Variants in TDRD9 observed in about 807,000 individuals in gnomAD.
The protein encoded by TDRD9 is tudor domain containing 9, also known as ATP-dependent RNA helicase TDRD9.
A neutral mutation model predicts 172.6 loss-of-function variants in TDRD9; 124 were observed. The ratio of observed to expected loss-of-function variants is 0.72; its 90% CI spans 0.62 to 0.83. The LOEUF (loss-of-function observed/expected upper bound fraction) is 0.83. TDRD9 is among the 40% of genes least tolerant of loss of function. TDRD9 has a pLI of 0.00. For synonymous variants in TDRD9, 619 were observed against 617.1 expected (o/e 1.00, Z -0.05); for missense variants, 1,479 against 1,714.1 (o/e 0.86, Z 2.42).
intron 30 of TDRD9, 108 bp from the exon 31 acceptor site, chr14:104,033,852 T>A: frequency 1.5e-6 from 1 of 682,922 alleles, no homozygotes; most frequent in Non-Finnish European, 2.7e-6. Flanking sequence ...CCGTCTATCA[T>A]TGCAGTTGCC....
At chr14:103,938,404 GTGTGTGTGTGTATA>G (rs1472634337) in intron 1 of TDRD9, among the ~76,000 whole-genome samples, 27 of 61,122 alleles carry the variant, frequency 4.4e-4, no homozygotes, top group East Asian at 1.9e-3. Context: ...GTGTGTGTGT[GTGTGTGTGTGTATA>G]TATATATATA....
chr14:104,016,161 ATTCTT>A, intron 22 of TDRD9, 73 bp downstream of exon 22: 1 of 1,074,712 alleles, frequency 9.3e-7, no homozygotes, highest in South Asian at 1.4e-5. Context: ...AATTGTTTCT[ATTCTT>A]GTGAGTCCTA....
chr14:103,970,175 G>A (rs866662830), intron 5 of TDRD9, among the ~76,000 whole-genome samples: 22 of 152,290 alleles, frequency 1.4e-4, no homozygotes, highest in Middle Eastern at 3.4e-3. Context: ...GCAAGGAGGG[G>A]CCATGGGAGG....
chr14:104,015,287 T>C (rs919139259), intron 21 of TDRD9, among the ~76,000 whole-genome samples: 4 of 152,210 alleles, frequency 2.6e-5, no homozygotes, highest in African/African-American at 9.7e-5. Flanking sequence ...TTAGCTGGAA[T>C]GTAGCGAGTG....
rs150275586 is a variant in TDRD9, at chr14:103,989,810, C to T, written c.1116-1350C>T. ...ATCCCTGCTACCTGTCCACTCTGTG[C>T]GTTTTCCAACCCTGGAGGGACTGGA... On this transcript the variant is annotated intron_variant, in intron 8 of 35. Transcript: ENST00000409874. Among the ~76,000 whole-genome samples the T allele has an allele frequency of 6.5e-3, 990 of 152,334 alleles. 14 individuals carry two copies. The highest frequency in any genetic ancestry group is 6.8e-3 in the Middle Eastern group (2 of 294).
chr14:103,991,444 T>C (rs1255476939), intron 9 of TDRD9, among the ~76,000 whole-genome samples: 1 of 152,114 alleles, frequency 6.6e-6, no homozygotes, highest in Non-Finnish European at 1.5e-5. Context: ...GATGGAGTCT[T>C]GCTCTGTTGC....
intron 8 of TDRD9, among the ~76,000 whole-genome samples, chr14:103,989,652 C>T (rs2033797938): frequency 6.6e-6 from 1 of 152,226 alleles, no homozygotes; most frequent in Non-Finnish European, 1.5e-5. Flanking sequence ...GGGCTGGTCC[C>T]CCAGGGAATG....
At chr14:103,943,363 T>C (rs2031359994) in intron 1 of TDRD9, among the ~76,000 whole-genome samples, 1 of 151,516 alleles carries the variant, frequency 6.6e-6, no homozygotes, top group Admixed American at 6.6e-5. Flanking sequence ...ATATATGTTT[T>C]ATATATGTAC....
At chr14:103,944,945 A>G (rs1429898908) in intron 1 of TDRD9, among the ~76,000 whole-genome samples, 1 of 152,192 alleles carries the variant, frequency 6.6e-6, no homozygotes, top group East Asian at 1.9e-4. Context: ...GTCACTTAAC[A>G]GATATCTATT....
At chr14:104,011,893 T>C (rs1229364864) in intron 20 of TDRD9, among the ~76,000 whole-genome samples, 2 of 152,006 alleles carry the variant, frequency 1.3e-5, no homozygotes, top group Non-Finnish European at 2.9e-5. Context: ...CCAAAGGATA[T>C]GGATTAAAAT....
intron 21 of TDRD9, among the ~76,000 whole-genome samples, chr14:104,015,578 A>G (rs1471161185): frequency 6.6e-6 from 1 of 152,130 alleles, no homozygotes; most frequent in African/African-American, 2.4e-5. Flanking sequence ...GAGTGCTCCA[A>G]TTGGAGTTTT....
chr14:104,040,459 T>G, intron 33 of TDRD9, 125 bp downstream of exon 33: 1 of 1,078,700 alleles, frequency 9.3e-7, no homozygotes, highest in Non-Finnish European at 1.2e-6. Context: ...CCTGGAGATG[T>G]GCACGTTCCT....
At chr14:103,936,602 C>T (rs190710338) in intron 1 of TDRD9, among the ~76,000 whole-genome samples, 12 of 152,254 alleles carry the variant, frequency 7.9e-5, no homozygotes, top group Admixed American at 1.3e-4. Context: ...GGCAAGTGTA[C>T]GATAAAATAT....
At chr14:104,003,561 T>A (rs1404305862) in intron 13 of TDRD9, among the ~76,000 whole-genome samples, 10 of 152,232 alleles carry the variant, frequency 6.6e-5, no homozygotes, top group Admixed American at 6.5e-4. Context: ...CCATTTCTTT[T>A]AAAGCTGCAT....
intron 34 of TDRD9, among the ~76,000 whole-genome samples, chr14:104,043,681 G>A (rs910585811): frequency 6.6e-6 from 1 of 152,148 alleles, no homozygotes; most frequent in African/African-American, 2.4e-5. Flanking sequence ...CCCAAAACAA[G>A]GGTAACTGTA....
chr14:104,013,266 T>C (rs1024660785), intron 20 of TDRD9, among the ~76,000 whole-genome samples: 1 of 152,270 alleles, frequency 6.6e-6, no homozygotes, highest in Non-Finnish European at 1.5e-5. Context: ...TGTATTTTCA[T>C]GTGTGTACAT....
At chr14:103,968,845 A>G (rs1324535760) in intron 5 of TDRD9, among the ~76,000 whole-genome samples, 1 of 145,716 alleles carries the variant, frequency 6.9e-6, no homozygotes, top group Non-Finnish European at 1.5e-5. Flanking sequence ...TCACGCCTAT[A>G]ATCTCAGCAC....
At chr14:104,030,132 A>G (rs2035237831) in intron 28 of TDRD9, among the ~76,000 whole-genome samples, 1 of 152,204 alleles carries the variant, frequency 6.6e-6, no homozygotes, top group Non-Finnish European at 1.5e-5. Context: ...AAAATTTTAC[A>G]TACAAAAAAG....
intron 1 of TDRD9, among the ~76,000 whole-genome samples, chr14:103,934,039 T>A (rs2030582097): frequency 6.6e-6 from 1 of 152,144 alleles, no homozygotes; most frequent in Non-Finnish European, 1.5e-5. Flanking sequence ...CCACTTTTTT[T>A]TTTTCTTGCT....
Sources: gnomAD v4.1 joint callset for allele counts (sites outside exome capture counted in the v4.1 genomes callset) on GRCh38, gnomAD v4.1.1 for gene constraint, MANE v1.5 for transcripts, NCBI Gene and HGNC (gene_info 2026-07-23, HGNC 2026-07-21) for gene names.